Variants in GABRA2 observed in about 807,000 individuals in gnomAD.
GABRA2 encodes the protein gamma-aminobutyric acid receptor subunit alpha-2.
GABRA2 carries 16 observed loss-of-function variants against 48.7 expected under a neutral mutation model. The observed-to-expected ratio is 0.33, with a 90% CI of 0.22 to 0.50. The LOEUF is 0.50. Among genes scored for constraint, GABRA2 ranks in the 20% least tolerant of loss-of-function variants. The pLI is 0.98. For missense variants in GABRA2, 275 were observed against 535.6 expected (o/e 0.51, Z 4.80); for synonymous variants, 185 against 184.5 (o/e 1.00, Z -0.02).
chr4:46,373,073 G>A (rs980942146), intron 3 of GABRA2, among the ~76,000 whole-genome samples: 3 of 152,294 alleles, frequency 2.0e-5, no homozygotes, highest in Admixed American at 6.5e-5. Flanking sequence ...AGATATCTGA[G>A]GCTGAGATGA....
intron 3 of GABRA2, chr4:46,366,729 G>C (rs1013353985): frequency 6.6e-6 from 1 of 152,072 alleles, no homozygotes; most frequent in Non-Finnish European, 1.5e-5. Flanking sequence ...TTATAATTTA[G>C]TATGATTCCA....
At chr4:46,301,236 T>G (rs1464478605) in intron 8 of GABRA2, among the ~76,000 whole-genome samples, 1 of 152,158 alleles carries the variant, frequency 6.6e-6, no homozygotes, top group Non-Finnish European at 1.5e-5. Flanking sequence ...GTTTCACAGA[T>G]GTATTCTATT....
Position 46,245,277 on chromosome 4 carries a change from A to G in GABRA2, c.*5031T>C, listed in dbSNP as rs1241232469. Among the ~76,000 whole-genome samples the G allele has an allele frequency of 6.6e-6, 1 of 151,360 alleles. No individual in the cohort carries two copies. Among genetic ancestry groups the G allele is most frequent in the East Asian group, 2.0e-4 (1 of 5,128 alleles). Reference sequence around the variant, plus strand: ...CAAAAAGTAAGGTATGAAACAAATCAGTAATGAATATACATAACTTTGTAT... The same window carrying G: ...CAAAAAGTAAGGTATGAAACAAATCGGTAATGAATATACATAACTTTGTAT... On this transcript the variant is annotated 3_prime_UTR_variant, in exon 10 of 10. Transcript: ENST00000381620.
At chr4:46,312,846 A>G (rs917549126) in intron 4 of GABRA2, 130 bp from the exon 5 acceptor site, 1 of 580,762 alleles carries the variant, frequency 1.7e-6, no homozygotes, top group African/African-American at 1.9e-5. Flanking sequence ...ATTTTTAATC[A>G]GAAAGATTAC....
intron 8 of GABRA2, among the ~76,000 whole-genome samples, chr4:46,279,855 A>G (rs2109455904): frequency 6.6e-6 from 1 of 152,244 alleles, no homozygotes. Context: ...GGAATATACT[A>G]TAATCTATAG....
intron 8 of GABRA2, among the ~76,000 whole-genome samples, chr4:46,288,959 TAAC>T (rs1198220027): frequency 6.6e-6 from 1 of 152,006 alleles, no homozygotes; most frequent in African/African-American, 2.4e-5. Context: ...GAAAAAAACT[TAAC>T]ATCATTGATG....
At chr4:46,290,234 A>G (rs1332980687) in intron 8 of GABRA2, among the ~76,000 whole-genome samples, 1 of 151,252 alleles carries the variant, frequency 6.6e-6, no homozygotes, top group African/African-American at 2.4e-5. Flanking sequence ...TAAATTTTCA[A>G]TGTTGTTTAG....
chr4:46,280,009 C>A (rs1049320487), intron 8 of GABRA2, among the ~76,000 whole-genome samples: 1 of 151,318 alleles, frequency 6.6e-6, no homozygotes, highest in African/African-American at 2.4e-5. Flanking sequence ...TTATTAGGTA[C>A]CTACTACATG....
chr4:46,269,329 G>C (rs1221768078), intron 8 of GABRA2, among the ~76,000 whole-genome samples: 1 of 151,644 alleles, frequency 6.6e-6, no homozygotes, highest in Non-Finnish European at 1.5e-5. Context: ...TGTGTCAATA[G>C]AGAATAAAAA....
chr4:46,279,265 A>T (rs1721061911), intron 8 of GABRA2, among the ~76,000 whole-genome samples: 1 of 152,148 alleles, frequency 6.6e-6, no homozygotes, highest in Non-Finnish European at 1.5e-5. Context: ...TGCTCTTGCT[A>T]ACTTAACTCC....
intron 8 of GABRA2, among the ~76,000 whole-genome samples, chr4:46,301,132 C>A (rs1439071832): frequency 6.6e-6 from 1 of 151,444 alleles, no homozygotes; most frequent in Non-Finnish European, 1.5e-5. Context: ...GTATCCTTAC[C>A]CTCCCTCCCT....
Position 46,381,162 on chromosome 4 carries a change from C to A in GABRA2, c.187+4912G>T, listed in dbSNP as rs556967179. 9.8e-5 allele frequency among the ~76,000 whole-genome samples: 15 copies of A among 152,300 alleles called. No homozygotes were observed. The South Asian group carries it at 2.9e-3, about 29-fold the overall frequency. ...CTTGTCATAGCTAATAGTTGTTACT[C>A]TTGATCATGTGGATGCCAGCTATCA... On this transcript the variant is annotated intron_variant, in intron 3 of 9. Transcript: ENST00000381620.
intron 3 of GABRA2, among the ~76,000 whole-genome samples, chr4:46,339,064 A>C (rs1732759359): frequency 6.6e-6 from 1 of 151,902 alleles, no homozygotes; most frequent in Non-Finnish European, 1.5e-5. Context: ...TGAGTGAGTG[A>C]GTGAATAAAG....
chr4:46,378,670 T>A (rs943090138), intron 3 of GABRA2, among the ~76,000 whole-genome samples: 23 of 151,304 alleles, frequency 1.5e-4, no homozygotes, highest in East Asian at 3.9e-4. Context: ...AAAAAAAAAA[T>A]TTAAAAATTA....
At chr4:46,372,962 A>G (rs956905502) in intron 3 of GABRA2, among the ~76,000 whole-genome samples, 5 of 152,168 alleles carry the variant, frequency 3.3e-5, no homozygotes, top group Non-Finnish European at 7.3e-5. Flanking sequence ...GCACCTGCCC[A>G]ATTTCCTTGT....
intron 3 of GABRA2, among the ~76,000 whole-genome samples, chr4:46,376,535 C>T (rs1014618781): frequency 2.6e-5 from 4 of 152,272 alleles, no homozygotes; most frequent in Non-Finnish European, 5.9e-5. Context: ...AAAAAACCAA[C>T]TGCTATTAAC....
intron 4 of GABRA2, among the ~76,000 whole-genome samples, chr4:46,320,654 G>A (rs1729299871): frequency 6.6e-6 from 1 of 151,782 alleles, no homozygotes; most frequent in Non-Finnish European, 1.5e-5. Context: ...ATAAAGAGGT[G>A]CTCAACATCA....
At chr4:46,256,352 C>T in intron 9 of GABRA2, 1 of 666,112 alleles carries the variant, frequency 1.5e-6, no homozygotes, top group Non-Finnish European at 2.7e-6. Flanking sequence ...TAATGTAATG[C>T]CTTCAGCTTT....
At chr4:46,340,217 G>T (rs1732981227) in intron 3 of GABRA2, among the ~76,000 whole-genome samples, 1 of 151,694 alleles carries the variant, frequency 6.6e-6, no homozygotes, top group South Asian at 2.1e-4. Context: ...GAAAATAACA[G>T]ATTTATTCAG....
Sources: gnomAD v4.1 joint callset for allele counts (sites outside exome capture counted in the v4.1 genomes callset) on GRCh38, gnomAD v4.1.1 for gene constraint, MANE v1.5 for transcripts, NCBI Gene and HGNC (gene_info 2026-07-23, HGNC 2026-07-21) for gene names.